The following SEPHS1 variants were observed in gnomAD, a reference collection of about 807,000 sequenced individuals.
The protein encoded by SEPHS1 is zincore component SEPHS1.
SEPHS1 carries 7 observed loss-of-function variants against 39.2 expected under a neutral mutation model. That is an observed-to-expected ratio of 0.18 (90% CI 0.10 to 0.34). The LOEUF (loss-of-function observed/expected upper bound fraction) is 0.34, where lower values mean the gene tolerates loss of function less well. Ranked by LOEUF, SEPHS1 falls within the 10% of genes least tolerant of loss-of-function variation. SEPHS1 has a pLI of 1.00. For missense variants in SEPHS1, 253 were observed against 514.5 expected (o/e 0.49, Z 4.92); for synonymous variants, 190 against 195.5 (o/e 0.97, Z 0.23).
chr10:13,343,894 GA>G (rs1833861285), intron 2 of SEPHS1, among the ~76,000 whole-genome samples: 1 of 152,134 alleles, frequency 6.6e-6, no homozygotes, highest in Non-Finnish European at 1.5e-5. Context: ...TCGAACACAA[GA>G]AAAGTGATCA....
chr10:13,341,776 G>C (rs1833791969), intron 2 of SEPHS1, among the ~76,000 whole-genome samples: 1 of 150,890 alleles, frequency 6.6e-6, no homozygotes, highest in Admixed American at 6.6e-5. Context: ...GACCAACATA[G>C]TGAAACCCTA....
chr10:13,331,284 G>A (rs758592267), intron 5 of SEPHS1, among the ~76,000 whole-genome samples: 2 of 152,150 alleles, frequency 1.3e-5, no homozygotes, highest in Non-Finnish European at 2.9e-5. Flanking sequence ...GAATAGTGCT[G>A]CAATAAACAT....
At chr10:13,347,780 CGCG>C (rs537003074) in intron 1 of SEPHS1, among the ~76,000 whole-genome samples, 3 of 138,382 alleles carry the variant, frequency 2.2e-5, no homozygotes, top group East Asian at 2.3e-4. Flanking sequence ...CCCGGCCCCG[CGCG>C]GCGGCGGCGG....
At chr10:13,340,251 G>A (rs906264030) in intron 2 of SEPHS1, among the ~76,000 whole-genome samples, 2 of 151,850 alleles carry the variant, frequency 1.3e-5, no homozygotes, top group South Asian at 2.1e-4. Context: ...TGTGAAGACA[G>A]GCTGATTTTT....
chr10:13,347,649 CCCGCCGCGCGCACGGGCCGCCGCCG>C (rs1051814214), intron 1 of SEPHS1, among the ~76,000 whole-genome samples: 5 of 146,910 alleles, frequency 3.4e-5, no homozygotes, highest in African/African-American at 4.9e-5. Context: ...GCCGGCCGCT[CCCGCCGCGCGCACGGGCCGCCGCCG>C]CCGCCGCGCA....
At chr10:13,329,634 C>A in intron 6 of SEPHS1, 64 bp downstream of exon 6, 5 of 1,291,490 alleles carry the variant, frequency 3.9e-6, no homozygotes, top group Non-Finnish European at 5.5e-6. Flanking sequence ...CCCAAATCCT[C>A]CAACAAAAAT....
rs1389125208 is a variant in SEPHS1, at chr10:13,319,346, C to A, written c.975G>T (p.Leu325=). Residue 325 remains leucine (L), a synonymous_variant, in exon 9 of 9, where the codon CTG becomes CTT. Coordinates refer to ENST00000327347, the MANE Select transcript of SEPHS1 (RefSeq NM_012247.5). ...GTCPETSGGL[L]ICLPREQAAR... is the part of the protein sequence containing the mutation. The stretch of plus-strand genomic sequence containing the variant: ...CTGCTTGCTCACGTGGTAAACAGAT[C>A]AGAAGGCCGCCTGGCAAAAGAAAAC... 6.2e-6 allele frequency: 10 copies of A among 1,612,328 alleles called. No individual in the cohort carries two copies. Among genetic ancestry groups the A allele is most frequent in the Non-Finnish European group, 8.5e-6 (10 of 1,179,676 alleles).
chr10:13,334,690 G>C (rs779483736), intron 4 of SEPHS1, among the ~76,000 whole-genome samples: 24 of 152,186 alleles, frequency 1.6e-4, no homozygotes, highest in Admixed American at 3.3e-4. Context: ...TCCAACCTGG[G>C]CAACACAGGG....
At position 13,329,699 on chromosome 10, in the gene SEPHS1, A is replaced by T; in HGVS notation, c.650T>A (p.Ile217Asn). 9 of 1,600,994 alleles carry T rather than the reference A, an allele frequency of 5.6e-6. No homozygotes were observed. The highest frequency in any genetic ancestry group is 7.7e-6 in the Non-Finnish European group (9 of 1,173,956). The change falls in exon 6 of 9, where the codon ATC becomes AAC. Residue 217 changes from isoleucine to asparagine, a missense_variant and splice_region_variant. Physicochemically the swap from Ile to Asn is moderately radical, Grantham distance 149 (BLOSUM62 -3). Around this residue, in one of 4 missense-constraint regions of SEPHS1, gnomAD observed 107 missense variants for 257.1 expected, o/e 0.42. Transcript: ENST00000327347. ...CCATCACAGCAGTGGTTTACTCACG[A>T]TATCCAGCCACTGGTGCACAGCCAC... ...VAVAVHQWLD[I>N]PEKWNKIKLV... is the part of the protein sequence containing the mutation.
rs1207923410 is a variant in SEPHS1, at chr10:13,317,741, A to T, written c.*1401T>A. On this transcript the variant is annotated 3_prime_UTR_variant, in exon 9 of 9. Coordinates refer to ENST00000327347, the MANE Select transcript of SEPHS1 (RefSeq NM_012247.5). ...GCAGCTTTGGTGCCTGTGAGCAGAA[A>T]GCACCAGAAATGGGCAGGATGTGCT... 1 of 152,246 alleles carries T rather than the reference A, an allele frequency of 6.6e-6. No individual in the cohort carries two copies. The highest frequency in any genetic ancestry group is 1.9e-4 in the East Asian group (1 of 5,202). The allele number at this position is 152,246 out of a possible 1,614,324, so 9.4% of individuals were successfully genotyped here.
At chr10:13,326,063 C>T (rs966068094) in intron 7 of SEPHS1, among the ~76,000 whole-genome samples, 5 of 151,702 alleles carry the variant, frequency 3.3e-5, no homozygotes, top group Non-Finnish European at 5.9e-5. Context: ...TTAATCTTCA[C>T]GAAAGGTATA....
rs1302519725 is a variant in SEPHS1, at chr10:13,318,812, C to T, written c.*330G>A. 2.3e-5 allele frequency: 6 copies of T among 256,292 alleles called. No individual in the cohort carries two copies. The highest frequency in any genetic ancestry group is 4.6e-5 in the African/African-American group (2 of 43,276). The allele number at this position is 256,292 out of a possible 1,614,324, so 15.9% of individuals were successfully genotyped here. On this transcript the variant is annotated 3_prime_UTR_variant, in exon 9 of 9. Coordinates refer to ENST00000327347, the MANE Select transcript of SEPHS1 (RefSeq NM_012247.5). ...CACCAACTGCTATTTGACACGACTACGGGTAATGCCTGTGCTATGTGAAAG... is the reference window on the plus strand; with the variant it reads ...CACCAACTGCTATTTGACACGACTATGGGTAATGCCTGTGCTATGTGAAAG...
At chr10:13,346,897 G>A (rs1833938494) in intron 1 of SEPHS1, among the ~76,000 whole-genome samples, 2 of 152,052 alleles carry the variant, frequency 1.3e-5, no homozygotes, top group Non-Finnish European at 2.9e-5. Flanking sequence ...AAAACACCTT[G>A]TATCAGGAAG....
At chr10:13,336,617 A>G (rs1234675539) in intron 3 of SEPHS1, among the ~76,000 whole-genome samples, 3 of 152,204 alleles carry the variant, frequency 2.0e-5, no homozygotes, top group South Asian at 4.1e-4. Context: ...TCTCCATTCT[A>G]AATTTTAGAA....
At chr10:13,327,206 A>AAT (rs1833327545) in intron 7 of SEPHS1, among the ~76,000 whole-genome samples, 1 of 134,998 alleles carries the variant, frequency 7.4e-6, no homozygotes, top group South Asian at 2.4e-4. Flanking sequence ...ACACCAATGG[A>AAT]CTCCAGCCTG....
chr10:13,332,117 C>A (rs1833490138), intron 5 of SEPHS1, among the ~76,000 whole-genome samples: 1 of 152,214 alleles, frequency 6.6e-6, no homozygotes, highest in Non-Finnish European at 1.5e-5. Flanking sequence ...TAGGTGGAAA[C>A]AACCCAAAGG....
intron 5 of SEPHS1, 86 bp from the exon 6 acceptor site, chr10:13,329,874 T>C (rs940160099): frequency 2.6e-6 from 3 of 1,134,628 alleles, no homozygotes; most frequent in Non-Finnish European, 2.6e-6. Flanking sequence ...GAATAATCTG[T>C]CAAAAATATA....
At chr10:13,341,684 C>T (rs1458132409) in intron 2 of SEPHS1, among the ~76,000 whole-genome samples, 1 of 152,166 alleles carries the variant, frequency 6.6e-6, no homozygotes, top group African/African-American at 2.4e-5. Flanking sequence ...AGGCCGGGCG[C>T]GGGGGCTCAT....
intron 2 of SEPHS1, 63 bp downstream of exon 2, chr10:13,344,695 G>A: frequency 2.4e-6 from 3 of 1,226,824 alleles, no homozygotes; most frequent in Non-Finnish European, 2.2e-6. Flanking sequence ...TGGGAGGCGA[G>A]AAATCCAGTT....
Sources: gnomAD v4.1 joint callset for allele counts (sites outside exome capture counted in the v4.1 genomes callset) on GRCh38, gnomAD v4.1.1 for gene constraint, gnomAD v4.1.1 regional missense constraint, MANE v1.5 for transcripts, NCBI Gene and HGNC (gene_info 2026-07-23, HGNC 2026-07-21) for gene names.